DSCAML1: variants seen among roughly 807,000 people sequenced by gnomAD.
The protein encoded by DSCAML1 is cell adhesion molecule DSCAML1.
In DSCAML1, 38 loss-of-function variants were observed where a neutral mutation model predicts 200.5. The ratio of observed to expected loss-of-function variants is 0.19; its 90% CI spans 0.15 to 0.25. The LOEUF is 0.25. Among genes scored for constraint, DSCAML1 ranks in the 10% least tolerant of loss-of-function variants. The pLI is 1.00. For synonymous variants in DSCAML1, 1,215 were observed against 1,165.0 expected (o/e 1.04, Z -0.87); for missense variants, 2,223 against 2,858.8 (o/e 0.78, Z 5.07).
chr11:117,689,423 G>C (rs1020676534), intron 3 of DSCAML1, among the ~76,000 whole-genome samples: 3 of 152,220 alleles, frequency 2.0e-5, no homozygotes, highest in Non-Finnish European at 4.4e-5. Flanking sequence ...GGGATTTGTA[G>C]GCACGCTGAA....
chr11:117,439,393 G>A lies in DSCAML1; in HGVS notation c.4017C>T (p.His1339=). 1.9e-6 allele frequency: 3 copies of A among 1,613,710 alleles called. No homozygotes were observed. Among genetic ancestry groups the A allele is most frequent in the Non-Finnish European group, 2.5e-6 (3 of 1,179,952 alleles). The change falls in exon 23 of 33, where the codon CAC becomes CAT. Residue 1339 remains histidine, a synonymous_variant. Coordinates refer to ENST00000651296, the MANE Select transcript of DSCAML1 (RefSeq NM_020693.4). ...GTGTGCCATTGGTGTGGATGAGCCGGTGCCCATCCATGGACACTGGAATGG... is the reference window on the plus strand; with the variant it reads ...GTGTGCCATTGGTGTGGATGAGCCGATGCCCATCCATGGACACTGGAATGG... The part of the protein sequence containing the change: ...DSAIPVSMDG[H]RLIHTNGTLL...
At position 117,516,382 on chromosome 11, in the gene DSCAML1, T is replaced by C; in HGVS notation, c.1783+85A>G. The C allele has an allele frequency of 6.6e-7, 1 of 1,516,922 alleles. No homozygotes were observed. The highest frequency in any genetic ancestry group is 8.9e-7 in the Non-Finnish European group (1 of 1,122,594). The allele number at this position is 1,516,922 out of a possible 1,614,324, so 94.0% of individuals were successfully genotyped here. On this transcript the variant is annotated intron_variant, in intron 8 of 32. Coordinates refer to ENST00000651296, the MANE Select transcript of DSCAML1 (RefSeq NM_020693.4). This position sits in a 1 kb window ranked among gnomAD's most constrained non-coding sequence, Gnocchi z 5.7. ...CTTCCGTTCACCCAGGATTGCCTATTGTTGTCTGAGTCCCAGCTGGGGAAA... is the reference window on the plus strand; with the variant it reads ...CTTCCGTTCACCCAGGATTGCCTATCGTTGTCTGAGTCCCAGCTGGGGAAA...
In DSCAML1 at chr11:117,472,055, T is replaced by A. The variant is rs777434884; in HGVS notation, c.2786-19A>T. ...CAGGAATCTGGAGAGAAGACACCTA[T>A]GTCAAAGCATGGCCAGGCAAACTCC... On this transcript the variant is annotated intron_variant, in intron 14 of 32. Coordinates refer to ENST00000651296, the MANE Select transcript of DSCAML1 (RefSeq NM_020693.4). 1.9e-6 allele frequency: 3 copies of A among 1,611,398 alleles called. No individual in the cohort carries two copies. The highest frequency in any genetic ancestry group is 2.5e-6 in the Non-Finnish European group (3 of 1,177,974).
rs747072609 is a variant in DSCAML1, at chr11:117,437,875, C to T, written c.4432+20G>A. 41 of 1,590,962 alleles carry T rather than the reference C, an allele frequency of 2.6e-5. No individual in the cohort carries two copies. Among genetic ancestry groups the T allele is most frequent in the Non-Finnish European group, 3.3e-5 (39 of 1,171,404 alleles). On this transcript the variant is annotated intron_variant, in intron 25 of 32. Coordinates refer to ENST00000651296, the MANE Select transcript of DSCAML1 (RefSeq NM_020693.4). The surrounding 1 kb of genome is among the most constrained non-coding windows in gnomAD (Gnocchi z 5.3). ...CCTGGGCCCATCGCTCCTTCCCTGC[C>T]CCAGTGGCCTGGGCCTCACCCCGCC...
chr11:117,563,512 G>A (rs959958902), intron 3 of DSCAML1, among the ~76,000 whole-genome samples: 4 of 152,176 alleles, frequency 2.6e-5, no homozygotes, highest in African/African-American at 9.7e-5. Context: ...TTTCATAGAT[G>A]TAAAGGAAGC....
intron 3 of DSCAML1, among the ~76,000 whole-genome samples, chr11:117,724,675 A>G (rs373138842): frequency 1.3e-5 from 2 of 152,344 alleles, no homozygotes; most frequent in East Asian, 3.9e-4. Flanking sequence ...TGGAAATGGT[A>G]TTTTATAACT....
At chr11:117,604,967 C>T (rs1005175848) in intron 3 of DSCAML1, among the ~76,000 whole-genome samples, 1 of 152,146 alleles carries the variant, frequency 6.6e-6, no homozygotes, top group African/African-American at 2.4e-5. Context: ...CGGGAGGAAC[C>T]TGACCAGAGG....
At chr11:117,454,063 T>C (rs1007903458) in intron 19 of DSCAML1, among the ~76,000 whole-genome samples, 3 of 152,212 alleles carry the variant, frequency 2.0e-5, no homozygotes, top group Non-Finnish European at 2.9e-5. Flanking sequence ...ATTTGTGGCT[T>C]GATATCTTTC....
chr11:117,628,419 T>G (rs1216084881), intron 3 of DSCAML1, among the ~76,000 whole-genome samples: 1 of 152,236 alleles, frequency 6.6e-6, no homozygotes, highest in African/African-American at 2.4e-5. Flanking sequence ...CCCGACCTCC[T>G]CGTGCAGGGA....
chr11:117,536,168 G>T (rs899496116), intron 3 of DSCAML1, among the ~76,000 whole-genome samples: 1 of 152,210 alleles, frequency 6.6e-6, no homozygotes, highest in Middle Eastern at 3.2e-3. Flanking sequence ...CCCTTGGGGG[G>T]GCTTGTGCAA....
chr11:117,690,494 T>C (rs1374340257), intron 3 of DSCAML1, among the ~76,000 whole-genome samples: 1 of 152,246 alleles, frequency 6.6e-6, no homozygotes, highest in East Asian at 1.9e-4. Flanking sequence ...CCACTGTGAT[T>C]TCCTTGAGGC....
intron 32 of DSCAML1, among the ~76,000 whole-genome samples, chr11:117,429,198 C>T (rs1460659865): frequency 6.6e-6 from 1 of 152,170 alleles, no homozygotes; most frequent in African/African-American, 2.4e-5. Context: ...CCTAATGGCT[C>T]TGGCTGGTGG....
chr11:117,775,679 G>A (rs988776691), intron 3 of DSCAML1, among the ~76,000 whole-genome samples: 27 of 152,134 alleles, frequency 1.8e-4, no homozygotes, highest in Admixed American at 1.4e-3. Context: ...ACCACCTAGC[G>A]AGCATTGAAA....
rs531409011 is a variant in DSCAML1 at position 117,692,155 on chromosome 11, T to C, written c.511+84636A>G. Among the ~76,000 whole-genome samples, 5 of 152,222 alleles carry C rather than the reference T, an allele frequency of 3.3e-5. No homozygotes were observed. The South Asian group carries it at 1.0e-3, about 32-fold the overall frequency. ...CCTTTTCCTAAGGCAAGGTTCCTAA[T>C]GATGCAGTCCTTGGGCACAGTACCA... On this transcript the variant is annotated intron_variant, in intron 3 of 32. Coordinates refer to ENST00000651296, the MANE Select transcript of DSCAML1 (RefSeq NM_020693.4).
At chr11:117,507,400 C>A (rs888009897) in intron 8 of DSCAML1, among the ~76,000 whole-genome samples, 1 of 152,202 alleles carries the variant, frequency 6.6e-6, no homozygotes, top group Non-Finnish European at 1.5e-5. Flanking sequence ...CATGGCCCTC[C>A]GCCCTCAGGG....
chr11:117,640,212 C>T (rs1565844162), intron 3 of DSCAML1, among the ~76,000 whole-genome samples: 1 of 152,224 alleles, frequency 6.6e-6, no homozygotes, highest in Admixed American at 6.5e-5. Flanking sequence ...TTGCCACTCC[C>T]ACCTGGCAAA....
intron 8 of DSCAML1, among the ~76,000 whole-genome samples, chr11:117,509,211 A>T (rs2049568945): frequency 6.6e-6 from 1 of 152,068 alleles, no homozygotes. Flanking sequence ...CTGCAGCTTC[A>T]TGGAGGAGTG....
chr11:117,428,303 GGC>G lies in DSCAML1; in HGVS notation c.*23_*24del. The G allele has an allele frequency of 7.5e-7, 1 of 1,332,240 alleles. No homozygotes were observed. Among genetic ancestry groups the G allele is most frequent in the Non-Finnish European group, 1.1e-6 (1 of 938,620 alleles). 82.5% of individuals were successfully genotyped at this position (1,332,240 alleles called of 1,614,324 possible). A position where few individuals can be genotyped will look rare whatever the true frequency, so the allele number is the denominator to read the frequency against. On this transcript the variant is annotated 3_prime_UTR_variant, in exon 33 of 33. Transcript: ENST00000651296. The stretch of plus-strand genomic sequence containing the variant: ...TGGGGCTGCGGCGCGGCGCGGTCCA[GGC>G]GTGGCTGCTCTTCCTGCGGGCCCTA...
intron 3 of DSCAML1, among the ~76,000 whole-genome samples, chr11:117,753,376 A>G (rs2054633904): frequency 6.6e-6 from 1 of 152,174 alleles, no homozygotes; most frequent in South Asian, 2.1e-4. Context: ...TGTTGCTGCT[A>G]TGTTTGGGGC....
Sources: gnomAD v4.1 joint callset for allele counts (sites outside exome capture counted in the v4.1 genomes callset) on GRCh38, gnomAD v4.1.1 for gene constraint, Gnocchi (gnomAD v3.1) non-coding constraint, MANE v1.5 for transcripts, NCBI Gene and HGNC (gene_info 2026-07-23, HGNC 2026-07-21) for gene names.